The following RBFOX1 variants were observed in gnomAD, a reference collection of about 807,000 sequenced individuals.
RBFOX1 encodes the protein RNA binding protein fox-1 homolog 1.
RBFOX1 carries 8 observed loss-of-function variants against 57.7 expected under a neutral mutation model. The ratio of observed to expected loss-of-function variants is 0.14; its 90% CI spans 0.08 to 0.25. RBFOX1 has a LOEUF of 0.25. Ranked by LOEUF, RBFOX1 falls within the 10% of genes least tolerant of loss-of-function variation. The pLI is 1.00. For synonymous variants in RBFOX1, 326 were observed against 222.4 expected (o/e 1.47, Z -4.15); for missense variants, 611 against 548.5 (o/e 1.11, Z -1.14).
intron 3 of RBFOX1, among the ~76,000 whole-genome samples, chr16:5,860,700 T>G (rs1420025565): frequency 6.6e-6 from 1 of 152,072 alleles, no homozygotes; most frequent in African/African-American, 2.4e-5. Context: ...TGTCCACTAG[T>G]CTATATAAGC....
Position 5,404,652 on chromosome 16 carries a change from A to G in RBFOX1, c.220-62564A>G, listed in dbSNP as rs192261667. Among the ~76,000 whole-genome samples the G allele has an allele frequency of 2.4e-3, 371 of 152,274 alleles. 3 individuals carry two copies. The highest frequency in any genetic ancestry group is 8.4e-3 in the African/African-American group (350 of 41,546). On this transcript the variant is annotated intron_variant, in intron 1 of 2. Transcript: ENST00000585867. ...GTTCATCACAGAGCCCTGAACCCCT[A>G]TTCTGTGCACAGATGCTGTTGTGCA... is the stretch of plus-strand genomic sequence containing the variant.
chr16:6,694,613 C>T (rs559015098), intron 3 of RBFOX1, among the ~76,000 whole-genome samples: 99 of 152,270 alleles, frequency 6.5e-4, no homozygotes, highest in African/African-American at 2.2e-3. Flanking sequence ...TGTTTGCCAT[C>T]CCAAAGTTCT....
intron 3 of RBFOX1, among the ~76,000 whole-genome samples, chr16:6,977,087 AT>A (rs559061147): frequency 7.1e-6 from 1 of 141,520 alleles, no homozygotes; most frequent in Admixed American, 7.4e-5. Flanking sequence ...TATGATCTAT[AT>A]TTTATATATA....
intron 4 of RBFOX1, among the ~76,000 whole-genome samples, chr16:7,130,865 T>G: frequency 6.6e-6 from 1 of 152,032 alleles, no homozygotes; most frequent in East Asian, 1.9e-4. Flanking sequence ...AATCCTGGGG[T>G]GCCATCAAGA....
At chr16:7,600,807 G>T (rs1449337213) in intron 9 of RBFOX1, among the ~76,000 whole-genome samples, 1 of 152,176 alleles carries the variant, frequency 6.6e-6, no homozygotes, top group Non-Finnish European at 1.5e-5. Context: ...GTCCATTATA[G>T]AGGGTTACAG....
At chr16:7,227,875 T>A (rs1398243511) in intron 4 of RBFOX1, among the ~76,000 whole-genome samples, 1 of 152,216 alleles carries the variant, frequency 6.6e-6, no homozygotes, top group East Asian at 1.9e-4. Flanking sequence ...CTCCTTGCTT[T>A]AATGATATTA....
At chr16:7,030,460 C>T (rs2042497607) in intron 3 of RBFOX1, among the ~76,000 whole-genome samples, 1 of 152,204 alleles carries the variant, frequency 6.6e-6, no homozygotes, top group South Asian at 2.1e-4. Flanking sequence ...CTTCTGAAGG[C>T]TCTAGGGTAG....
chr16:6,075,762 T>A (rs963022019), intron 1 of RBFOX1, among the ~76,000 whole-genome samples: 1 of 152,238 alleles, frequency 6.6e-6, no homozygotes, highest in African/African-American at 2.4e-5. Flanking sequence ...CTTGGGGAAC[T>A]TCTAATCGGT....
At chr16:7,578,230 A>G (rs1180080364) in intron 5 of RBFOX1, among the ~76,000 whole-genome samples, 1 of 152,230 alleles carries the variant, frequency 6.6e-6, no homozygotes, top group Non-Finnish European at 1.5e-5. Flanking sequence ...CTCAAAAGGT[A>G]TGAACTCATT....
At chr16:6,082,852 C>G (rs1462187577) in intron 1 of RBFOX1, among the ~76,000 whole-genome samples, 1 of 152,086 alleles carries the variant, frequency 6.6e-6, no homozygotes, top group Non-Finnish European at 1.5e-5. Context: ...GACCCAATAG[C>G]CCAGATCCCA....
chr16:7,605,810 C>G (rs1296412741), intron 9 of RBFOX1, among the ~76,000 whole-genome samples: 1 of 152,148 alleles, frequency 6.6e-6, no homozygotes, highest in African/African-American at 2.4e-5. Flanking sequence ...GAGCAAAGGA[C>G]TACACACCTT....
At chr16:5,894,175 G>A (rs1272396546) in intron 4 of RBFOX1, among the ~76,000 whole-genome samples, 1 of 152,078 alleles carries the variant, frequency 6.6e-6, no homozygotes, top group Non-Finnish European at 1.5e-5. Context: ...TTTCCCCGGT[G>A]TTCCCTTTCA....
At chr16:5,282,946 C>T (rs1209530067) in intron 1 of RBFOX1, among the ~76,000 whole-genome samples, 2 of 152,158 alleles carry the variant, frequency 1.3e-5, no homozygotes, top group African/African-American at 4.8e-5. Context: ...GGCAGCCCCA[C>T]CCATCAAAGG....
chr16:6,641,673 T>A (rs1375459636), intron 2 of RBFOX1, among the ~76,000 whole-genome samples: 7 of 132,590 alleles, frequency 5.3e-5, no homozygotes, highest in African/African-American at 1.1e-4. Flanking sequence ...AGGCGGAGGT[T>A]GCAGTGAGCT....
intron 3 of RBFOX1, among the ~76,000 whole-genome samples, chr16:5,680,786 C>G (rs73516358): frequency 0.11 from 16,347 of 152,132 alleles, 2,846 homozygotes; most frequent in African/African-American, 0.37. Context: ...CATTCTCATC[C>G]TCAACAAATA....
chr16:5,887,494 A>G (rs1429054997), intron 4 of RBFOX1, among the ~76,000 whole-genome samples: 2 of 152,186 alleles, frequency 1.3e-5, no homozygotes, highest in African/African-American at 2.4e-5. Flanking sequence ...CTGCACCTGC[A>G]GGGTTCAAGC....
intron 2 of RBFOX1, among the ~76,000 whole-genome samples, chr16:6,481,488 G>A (rs1018456524): frequency 4.6e-5 from 7 of 152,200 alleles, no homozygotes; most frequent in African/African-American, 9.7e-5. Flanking sequence ...CGCACCATGC[G>A]TCCCTTCCTA....
At chr16:5,983,950 CTCT>C (rs1296427556) in intron 4 of RBFOX1, among the ~76,000 whole-genome samples, 72 of 143,760 alleles carry the variant, frequency 5.0e-4, no homozygotes, top group Admixed American at 2.4e-3. Context: ...CCTCTTCCTC[CTCT>C]TCTTCTTCTT....
chr16:7,248,349 G>A (rs1031809228), intron 4 of RBFOX1, among the ~76,000 whole-genome samples: 13 of 152,204 alleles, frequency 8.5e-5, no homozygotes, highest in South Asian at 2.1e-4. Context: ...CCATTTTGTC[G>A]TCAGCTCTTC....
Sources: gnomAD v4.1 joint callset for allele counts (sites outside exome capture counted in the v4.1 genomes callset) on GRCh38, gnomAD v4.1.1 for gene constraint, MANE v1.5 for transcripts, NCBI Gene and HGNC (gene_info 2026-07-23, HGNC 2026-07-21) for gene names.